RUFY3: variants seen among roughly 807,000 people sequenced by gnomAD.
The protein encoded by RUFY3 is RUN and FYVE domain containing 3, also known as protein RUFY3.
In RUFY3, 34 loss-of-function variants were observed where a neutral mutation model predicts 84.0. That is an observed-to-expected ratio of 0.40 (90% CI 0.31 to 0.54). The LOEUF is 0.54. Ranked by LOEUF, RUFY3 falls within the 20% of genes least tolerant of loss-of-function variation. The pLI is 0.39. For synonymous variants in RUFY3, 242 were observed against 252.9 expected, an observed-to-expected ratio of 0.96 and a Z score of 0.41; for missense variants, 507 against 736.8, an observed-to-expected ratio of 0.69 and a Z score of 3.61.
In RUFY3 at chr4:70,722,369, T is replaced by C. The variant is rs1034253647; in HGVS notation, c.-205T>C. On this transcript the variant is annotated 5_prime_UTR_variant, in exon 1 of 18. Transcript: ENST00000381006. ...GAACTGTCTATAAGATAGTGTAGAA[T>C]TGTTTATCTTGAGCAGTTTGTTCTT... is the stretch of plus-strand genomic sequence containing the variant. 1 of 1,315,702 alleles carries C rather than the reference T, an allele frequency of 7.6e-7. No individual in the cohort carries two copies. The highest frequency in any genetic ancestry group is 1.5e-5 in the African/African-American group (1 of 67,656). The allele number at this position is 1,315,702 out of a possible 1,614,324, so 81.5% of individuals were successfully genotyped here. A position where few individuals can be genotyped will look rare whatever the true frequency, so the allele number is the denominator to read the frequency against.
At chr4:70,758,913 C>G (rs1724506599) in intron 1 of RUFY3, among the ~76,000 whole-genome samples, 1 of 151,902 alleles carries the variant, frequency 6.6e-6, no homozygotes, top group Admixed American at 6.6e-5. Context: ...GTGTGGGTGC[C>G]TGTAGTCCCA....
intron 14 of RUFY3, among the ~76,000 whole-genome samples, chr4:70,796,245 G>T (rs1048969713): frequency 6.6e-6 from 1 of 152,086 alleles, no homozygotes; most frequent in Non-Finnish European, 1.5e-5. Flanking sequence ...GCAGATGTTG[G>T]CATTCTCTGG....
chr4:70,716,819 T>C (rs539216857), intron 1 of RUFY3, among the ~76,000 whole-genome samples: 1 of 144,204 alleles, frequency 6.9e-6, no homozygotes, highest in African/African-American at 2.6e-5. Flanking sequence ...CACTCCAGCC[T>C]GTATGACAAG....
intron 1 of RUFY3, among the ~76,000 whole-genome samples, chr4:70,713,459 C>T (rs1488892051): frequency 6.6e-6 from 1 of 152,106 alleles, no homozygotes; most frequent in East Asian, 1.9e-4. Context: ...GGCTGCTGGC[C>T]AAGGTGGCAT....
rs1256435106 is a variant in RUFY3, at chr4:70,806,797, A to G, written c.*138A>G. The G allele has an allele frequency of 9.3e-7, 1 of 1,071,532 alleles. No homozygotes were observed. The highest frequency in any genetic ancestry group is 1.3e-6 in the Non-Finnish European group (1 of 757,522). The allele number at this position is 1,071,532 out of a possible 1,614,324, so 66.4% of individuals were successfully genotyped here. ...GGAATTTACTAGGTCCAGGGAGAAA[A>G]GGCAGTGGTTGGGGTTACTGGAAAT... On this transcript the variant is annotated 3_prime_UTR_variant, in exon 18 of 18. Coordinates refer to ENST00000381006, the MANE Select transcript of RUFY3 (RefSeq NM_001037442.4).
intron 4 of RUFY3, among the ~76,000 whole-genome samples, chr4:70,767,433 A>G (rs1388205872): frequency 1.3e-5 from 2 of 151,560 alleles, no homozygotes; most frequent in African/African-American, 4.8e-5. Context: ...TTTAGTGCTA[A>G]GTCATATGCC....
chr4:70,727,625 G>A (rs1168262223), intron 1 of RUFY3, among the ~76,000 whole-genome samples: 1 of 150,902 alleles, frequency 6.6e-6, no homozygotes, highest in East Asian at 2.0e-4. Context: ...CAAAGTGCTG[G>A]GATTACAAAA....
At chr4:70,724,712 A>T (rs1001346100) in intron 1 of RUFY3, among the ~76,000 whole-genome samples, 3 of 152,218 alleles carry the variant, frequency 2.0e-5, no homozygotes, top group Admixed American at 1.3e-4. Flanking sequence ...TGGGCAAGAA[A>T]GCTATTATTT....
chr4:70,713,117 G>A (rs754892011), intron 1 of RUFY3, among the ~76,000 whole-genome samples: 13 of 152,150 alleles, frequency 8.5e-5, no homozygotes, highest in East Asian at 5.8e-4. Context: ...TCTGCTTCCC[G>A]GGTTTAGCTG....
At chr4:70,733,378 G>A (rs949755317) in intron 1 of RUFY3, among the ~76,000 whole-genome samples, 1 of 151,964 alleles carries the variant, frequency 6.6e-6, no homozygotes, top group Non-Finnish European at 1.5e-5. Flanking sequence ...GACGACTTGG[G>A]GCCTCTGCTA....
intron 1 of RUFY3, among the ~76,000 whole-genome samples, chr4:70,736,152 CAAAAAAAA>C (rs1020403164): frequency 3.3e-5 from 2 of 60,888 alleles, no homozygotes; most frequent in Admixed American, 1.9e-4. Context: ...GACCCTGTCT[CAAAAAAAA>C]AAAAAAAAAG....
rs1732898534 is a variant in RUFY3, at chr4:70,806,795, A to G, written c.*136A>G. 6.4e-6 allele frequency: 7 copies of G among 1,087,644 alleles called. No homozygotes were observed. The highest frequency in any genetic ancestry group is 9.1e-6 in the Non-Finnish European group (7 of 770,098). 67.4% of individuals were successfully genotyped at this position (1,087,644 alleles called of 1,614,324 possible). ...TAGGAATTTACTAGGTCCAGGGAGA[A>G]AAGGCAGTGGTTGGGGTTACTGGAA... On this transcript the variant is annotated 3_prime_UTR_variant, in exon 18 of 18. Coordinates refer to ENST00000381006, the MANE Select transcript of RUFY3 (RefSeq NM_001037442.4).
rs566456747 is a variant in RUFY3 at position 70,765,143 on chromosome 4, G to A, written c.572+567G>A. On this transcript the variant is annotated intron_variant, in intron 4 of 17. Transcript: ENST00000381006. ...GTAGAAGCTGCAGTGATCCGAGAGC[G>A]TGCCACCACTCTTCAGCCCGGGCGA... Among the ~76,000 whole-genome samples the A allele has an allele frequency of 1.0e-4, 15 of 148,140 alleles. No individual in the cohort carries two copies. The South Asian group carries it at 1.3e-3, about 13-fold the overall frequency.
chr4:70,793,502 G>T, intron 12 of RUFY3: 1 of 1,234,860 alleles, frequency 8.1e-7, no homozygotes, highest in Non-Finnish European at 1.0e-6. Context: ...ATGTTTTATT[G>T]TTTATCATCT....
At position 70,803,123 on chromosome 4, in the gene RUFY3, A is replaced by G. The variant is rs191561129; in HGVS notation, c.1650+140A>G. 209 of 575,244 alleles carry G rather than the reference A, an allele frequency of 3.6e-4. No individual in the cohort carries two copies. The African/African-American group carries it at 3.8e-3, about 10-fold the overall frequency. 35.6% of individuals were successfully genotyped at this position (575,244 alleles called of 1,614,324 possible). ...CCTTCTAACAATACCCTGAACAAAT[A>G]TGTATTGCCTGAAGCTCACACAGGA... On this transcript the variant is annotated intron_variant, in intron 16 of 17. Transcript: ENST00000381006.
chr4:70,790,892 G>A (rs548942548), intron 12 of RUFY3, among the ~76,000 whole-genome samples: 1 of 151,718 alleles, frequency 6.6e-6, no homozygotes, highest in African/African-American at 2.4e-5. Context: ...AAAACTTAAT[G>A]GCAAATTTAT....
chr4:70,707,088 T>C (rs1026372244), intron 1 of RUFY3, among the ~76,000 whole-genome samples: 1 of 152,236 alleles, frequency 6.6e-6, no homozygotes. Context: ...GACTCCCTCA[T>C]TGTTAAAGGT....
chr4:70,722,762 A>G lies in RUFY3; in HGVS notation c.178+11A>G. 1 of 1,610,212 alleles carries G rather than the reference A, an allele frequency of 6.2e-7. No homozygotes were observed. Among genetic ancestry groups the G allele is most frequent in the Non-Finnish European group, 8.5e-7 (1 of 1,176,888 alleles). On this transcript the variant is annotated intron_variant, in intron 1 of 17. Transcript: ENST00000381006. The stretch of plus-strand genomic sequence containing the variant: ...AGCCTACCCATGAAGGTATGGTCAG[A>G]TCCTGTCCGCTAGTATTTCACCAGC...
intron 4 of RUFY3, among the ~76,000 whole-genome samples, chr4:70,767,201 T>C (rs906483272): frequency 4.7e-5 from 7 of 150,382 alleles, no homozygotes; most frequent in African/African-American, 1.7e-4. Context: ...TTGTCCTGCC[T>C]CAGCCTCCTG....
Sources: allele counts gnomAD v4.1 joint callset (sites outside exome capture counted in the v4.1 genomes callset), GRCh38; gene constraint gnomAD v4.1.1; transcripts MANE v1.5; gene names NCBI Gene and HGNC (gene_info 2026-07-23, HGNC 2026-07-21).